The following MYH11 variants were observed in gnomAD, a reference collection of about 807,000 sequenced individuals.
MYH11 encodes the protein myosin-11.
Under a neutral mutation model 246.6 loss-of-function variants are expected in MYH11, and 80 were observed. The ratio of observed to expected loss-of-function variants is 0.32; its 90% CI spans 0.27 to 0.39. The LOEUF is 0.39. Ranked by LOEUF, MYH11 falls within the 10% of genes least tolerant of loss-of-function variation. MYH11 has a pLI of 1.00. For synonymous variants in MYH11, 1,071 were observed against 1,015.5 expected (o/e 1.05, Z -1.04); for missense variants, 2,158 against 2,546.8 (o/e 0.85, Z 3.29).
rs1019265305 is a variant in MYH11, at chr16:15,720,945, T to C, written c.4685A>G (p.Lys1562Arg). The C allele has an allele frequency of 3.7e-6, 6 of 1,613,942 alleles. No homozygotes were observed. In the African/African-American group the frequency reaches 4.0e-5, roughly 11 times the overall value. ...CTGCATGTTGACTTCCAGCCGCAGT[T>C]TGGCGTCCTCCGTGGCTTGCAGCTC... ...EDELQATEDAKLRLEVNMQAL... is the reference protein window; with the variant it reads ...EDELQATEDARLRLEVNMQAL... Residue 1562 changes from lysine to arginine, a missense_variant, in exon 33 of 41, where the codon AAA becomes AGA. Around this residue, in one of 11 missense-constraint regions of MYH11, gnomAD observed 1,013 missense variants for 993.5 expected, o/e 1.02. Coordinates refer to ENST00000300036, the MANE Select transcript of MYH11 (RefSeq NM_002474.3).
At position 15,724,284 on chromosome 16, in the gene MYH11, A is replaced by C. The variant is rs2075511; in HGVS notation, c.4242T>G (p.Ala1414=). ...TCTTGGTCTTTTCCAGTTTATCATAAGCGGCCGCCTTCTCCTCGTACTGCT... is the reference window on the plus strand; with the variant it reads ...TCTTGGTCTTTTCCAGTTTATCATACGCGGCCGCCTTCTCCTCGTACTGCT... ...LTQQYEEKAA[A]YDKLEKTKNR... is the part of the protein sequence containing the mutation. The change falls in exon 31 of 41, where the codon GCT becomes GCG. Residue 1414 remains alanine, a synonymous_variant. Transcript: ENST00000300036. 813,490 of 1,613,830 alleles carry C rather than the reference A, an allele frequency of 0.5. 209,113 individuals are homozygous for C. The highest frequency in any genetic ancestry group is 0.64 in the Middle Eastern group (3,868 of 6,046).
chr16:15,758,787 G>A lies in MYH11; in HGVS notation c.1402-787C>T, dbSNP rs1267167646. On this transcript the variant is annotated intron_variant, in intron 12 of 40. Transcript: ENST00000300036. Reference sequence around the variant, plus strand: ...TGCACTCCGGCCTGGGCAACAGAGCGAGACTCTGTCTAAAAAAAAAAAAAA... The same window carrying A: ...TGCACTCCGGCCTGGGCAACAGAGCAAGACTCTGTCTAAAAAAAAAAAAAA... Among the ~76,000 whole-genome samples the A allele has an allele frequency of 1.1e-4, 17 of 150,548 alleles. No homozygotes were observed. In the East Asian group the frequency reaches 1.2e-3, roughly 10 times the overall value.
In MYH11 at chr16:15,838,016, C is replaced by A; in HGVS notation, c.237G>T (p.Met79Ile). The change falls in exon 2 of 41, where the codon ATG becomes ATT. Residue 79 changes from methionine (M) to isoleucine (I), a missense_variant. By Grantham distance (10) the Met-to-Ile change is conservative. Around this residue, in one of 11 missense-constraint regions of MYH11, gnomAD observed 36 missense variants for 73.9 expected, o/e 0.49. Transcript: ENST00000300036. ...CCACCTTGGAGAACTTGGGTGGGTT[C>A]ATCTTCTGGATGTCATCTTTCCCAA... ...VTVGKDDIQKMNPPKFSKVED... is the reference protein window; with the variant it reads ...VTVGKDDIQKINPPKFSKVED... The A allele has an allele frequency of 6.2e-7, 1 of 1,614,168 alleles. No individual in the cohort carries two copies. Among genetic ancestry groups the A allele is most frequent in the Non-Finnish European group, 8.5e-7 (1 of 1,180,026 alleles).
chr16:15,784,486 G>A lies in MYH11; in HGVS notation c.634-2009C>T, dbSNP rs145516308. Among the ~76,000 whole-genome samples the A allele has an allele frequency of 4.2e-3, 636 of 152,206 alleles. 8 individuals are homozygous for A. The highest frequency in any genetic ancestry group is 0.013 in the African/African-American group (551 of 41,510). Reference sequence around the variant, plus strand: ...CCCTGGGGACTCCAATAGGCGTCCCGTGGGTGGTAAATGCACCCCCACACC... The same window carrying A: ...CCCTGGGGACTCCAATAGGCGTCCCATGGGTGGTAAATGCACCCCCACACC... On this transcript the variant is annotated intron_variant, in intron 5 of 40. Coordinates refer to ENST00000300036, the MANE Select transcript of MYH11 (RefSeq NM_002474.3).
chr16:15,732,294 C>T (rs2040988355), intron 27 of MYH11, among the ~76,000 whole-genome samples: 1 of 151,414 alleles, frequency 6.6e-6, no homozygotes, highest in East Asian at 2.0e-4. Flanking sequence ...GAAACAAGGT[C>T]TCACTATGTT....
intron 2 of MYH11, among the ~76,000 whole-genome samples, chr16:15,833,385 G>GAGGGAGGAAGGAAGGAAGGGAGGA (rs2043800240): frequency 9.0e-6 from 1 of 110,508 alleles, no homozygotes; most frequent in Non-Finnish European, 2.0e-5. Flanking sequence ...GGGAGGGAGG[G>GAGGGAGGAAGGAAGGAAGGGAGGA]AGGAAGGAAG....
chr16:15,716,211 G>A (rs987564666), intron 38 of MYH11, among the ~76,000 whole-genome samples: 5 of 152,096 alleles, frequency 3.3e-5, no homozygotes, highest in African/African-American at 9.7e-5. Context: ...GGGATTATGG[G>A]CATGAAATAC....
intron 40 of MYH11, among the ~76,000 whole-genome samples, chr16:15,704,614 A>C (rs577410821): frequency 6.6e-6 from 1 of 152,110 alleles, no homozygotes; most frequent in Non-Finnish European, 1.5e-5. Context: ...TCAAGATTTG[A>C]ATTGGAAGAA....
At chr16:15,708,066 A>G (rs1327313505) in intron 40 of MYH11, among the ~76,000 whole-genome samples, 1 of 151,618 alleles carries the variant, frequency 6.6e-6, no homozygotes, top group Admixed American at 6.6e-5. Context: ...TCCACTCCCC[A>G]GTCCCTGAAC....
intron 2 of MYH11, among the ~76,000 whole-genome samples, chr16:15,833,881 T>A (rs752074296): frequency 6.6e-6 from 1 of 152,176 alleles, no homozygotes; most frequent in Non-Finnish European, 1.5e-5. Context: ...TTCTCCGTCA[T>A]GGACGACGGT....
At position 15,717,193 on chromosome 16, in the gene MYH11, C is replaced by T. The variant is rs774717188; in HGVS notation, c.5451G>A (p.Ala1817=). Residue 1817 remains alanine, a synonymous_variant, in exon 38 of 41, where the codon GCG becomes GCA. Coordinates refer to ENST00000300036, the MANE Select transcript of MYH11 (RefSeq NM_002474.3). ...AVKSKFKSTI[A]ALEAKIAQLE... is the part of the protein sequence containing the mutation. ...GCTGTGCAATCTTGGCCTCCAGCGC[C>T]GCGATGGTGGACTTGAACTTGGACT... The T allele has an allele frequency of 1.8e-5, 29 of 1,614,062 alleles. No homozygotes were observed. In the East Asian group the frequency reaches 3.6e-4, roughly 20 times the overall value.
intron 3 of MYH11, 65 bp downstream of exon 3, chr16:15,823,190 C>A: frequency 6.2e-7 from 1 of 1,607,010 alleles, no homozygotes. Flanking sequence ...CTGGCAAGAA[C>A]TGCAGACAAG....
At chr16:15,820,277 C>T (rs889313515) in intron 3 of MYH11, among the ~76,000 whole-genome samples, 1 of 151,998 alleles carries the variant, frequency 6.6e-6, no homozygotes, top group Admixed American at 6.6e-5. Flanking sequence ...GAGATCGAGA[C>T]CATCCTGGGT....
At chr16:15,825,136 T>C (rs2043525692) in intron 2 of MYH11, among the ~76,000 whole-genome samples, 1 of 152,132 alleles carries the variant, frequency 6.6e-6, no homozygotes, top group Admixed American at 6.5e-5. Flanking sequence ...TTATGTGAAG[T>C]GTCTAGAGTA....
At position 15,741,598 on chromosome 16, in the gene MYH11, C is replaced by A. The variant is rs939496859; in HGVS notation, c.2724G>T (p.Glu908Asp). 1.6e-5 allele frequency: 25 copies of A among 1,612,848 alleles called. No homozygotes were observed. The highest frequency in any genetic ancestry group is 5.3e-5 in the African/African-American group (4 of 74,930). The change falls in exon 22 of 41, where the codon GAG becomes GAT. Residue 908 changes from glutamate to aspartate, a missense_variant. This residue lies in a region of MYH11 where 284 missense variants were observed against 315.4 expected (regional missense o/e 0.90). Transcript: ENST00000300036. ...TCTTGGCCGCCAGCCGCACCCGCAT[C>A]TCCTCAGCCTCTGCATACAGCTCTG... ...AETELYAEAEEMRVRLAAKKQ... is the reference protein window; with the variant it reads ...AETELYAEAEDMRVRLAAKKQ...
chr16:15,849,609 T>G (rs533840607), intron 1 of MYH11, among the ~76,000 whole-genome samples: 102 of 152,200 alleles, frequency 6.7e-4, no homozygotes, highest in Admixed American at 1.1e-3. Context: ...ACCCAGCTAA[T>G]TTTTTAATTC....
intron 13 of MYH11, among the ~76,000 whole-genome samples, chr16:15,757,353 A>T (rs1016226939): frequency 1.3e-5 from 2 of 150,436 alleles, no homozygotes; most frequent in African/African-American, 4.9e-5. Flanking sequence ...TACTGAAAAT[A>T]CAAAAGTTAG....
Position 15,703,769 on chromosome 16 carries a change from G to A in MYH11, c.*222C>T, listed in dbSNP as rs2039306939. ...ACGCCCAGCTTATTTTTAAATTCTT[G>A]TATAGATGAGGTTTTACTACGTTGC... On this transcript the variant is annotated 3_prime_UTR_variant, in exon 41 of 41. Transcript: ENST00000300036. The A allele has an allele frequency of 1.6e-6, 1 of 610,470 alleles. No individual in the cohort carries two copies. The highest frequency in any genetic ancestry group is 2.9e-6 in the Non-Finnish European group (1 of 345,338). 37.8% of individuals were successfully genotyped at this position (610,470 alleles called of 1,614,324 possible).
intron 6 of MYH11, among the ~76,000 whole-genome samples, chr16:15,779,614 A>AT (rs767839721): frequency 9.9e-5 from 15 of 152,146 alleles, no homozygotes; most frequent in Non-Finnish European, 1.6e-4. Flanking sequence ...CATCCACATC[A>AT]TCCAACTATG....
Sources: allele counts gnomAD v4.1 joint callset (sites outside exome capture counted in the v4.1 genomes callset), GRCh38; gene constraint gnomAD v4.1.1; regional missense constraint gnomAD v4.1.1; transcripts MANE v1.5; gene names NCBI Gene and HGNC (gene_info 2026-07-23, HGNC 2026-07-21).